Variants in SUPT4H1 observed in about 807,000 individuals in gnomAD.
SUPT4H1 encodes transcription elongation factor SPT4.
A neutral mutation model predicts 19.4 loss-of-function variants in SUPT4H1; 12 were observed. The ratio of observed to expected loss-of-function variants is 0.62; its 90% confidence interval spans 0.40 to 1.00. The LOEUF (loss-of-function observed/expected upper bound fraction) is 1.00, where lower values mean the gene tolerates loss of function less well. Among genes scored for constraint, SUPT4H1 ranks in the 50% least tolerant of loss-of-function variants. The pLI, the probability that SUPT4H1 is intolerant of heterozygous loss-of-function variation, is 0.00. For synonymous variants in SUPT4H1, 58 were observed against 56.3 expected (o/e 1.03, Z -0.14); for missense variants, 115 against 149.2 (o/e 0.77, Z 1.19).
chr17:58,351,370 A>G (rs1274503379), intron 2 of SUPT4H1, 32 bp downstream of exon 2: 1 of 1,499,900 alleles, frequency 6.7e-7, no homozygotes, highest in Non-Finnish European at 9.3e-7. Flanking sequence ...TGGGTAATGC[A>G]GAAGTGAATG....
intron 2 of SUPT4H1, among the ~76,000 whole-genome samples, chr17:58,349,602 A>G (rs1224768181): frequency 6.6e-6 from 1 of 152,260 alleles, no homozygotes; most frequent in African/African-American, 2.4e-5. Flanking sequence ...TCACAGCAGT[A>G]TTATTCACAA....
At chr17:58,346,854 CT>C (rs1972309915) in intron 4 of SUPT4H1, among the ~76,000 whole-genome samples, 1 of 152,104 alleles carries the variant, frequency 6.6e-6, no homozygotes, top group Non-Finnish European at 1.5e-5. Context: ...AGCCAAGCAC[CT>C]GTAGTCCCAG....
intron 2 of SUPT4H1, 41 bp downstream of exon 2, chr17:58,351,361 G>A (rs1423134198): frequency 7.1e-7 from 1 of 1,401,556 alleles, no homozygotes; most frequent in East Asian, 2.3e-5. Flanking sequence ...GGTGCAGGTT[G>A]GGTAATGCAG....
At chr17:58,347,879 G>A (rs1368586720) in intron 2 of SUPT4H1, among the ~76,000 whole-genome samples, 1 of 152,206 alleles carries the variant, frequency 6.6e-6, no homozygotes, top group African/African-American at 2.4e-5. Context: ...TTTAGGACAA[G>A]GGGTCCAATA....
chr17:58,350,589 A>C (rs1486252154), intron 2 of SUPT4H1, among the ~76,000 whole-genome samples: 1 of 151,686 alleles, frequency 6.6e-6, no homozygotes, highest in Non-Finnish European at 1.5e-5. Flanking sequence ...TAATCCCAGC[A>C]CTATGAGAGG....
In SUPT4H1 at chr17:58,345,922, A is replaced by G. The variant is rs2143286875; in HGVS notation, c.*324T>C. The G allele has an allele frequency of 3.9e-6, 1 of 253,590 alleles. No homozygotes were observed. Among genetic ancestry groups the G allele is most frequent in the Admixed American group, 5.1e-5 (1 of 19,472 alleles). The allele number at this position is 253,590 out of a possible 1,614,324, so 15.7% of individuals were successfully genotyped here. A position where few individuals can be genotyped will look rare whatever the true frequency, so the allele number is the denominator to read the frequency against. On this transcript the variant is annotated 3_prime_UTR_variant, in exon 5 of 5. Transcript: ENST00000225504. ...AGGCAAGGCAGGTGTCATGGCCTTC[A>G]GAACTTTCTCGAGGTTCATATTTAT...
rs1407495200 is a variant in SUPT4H1 at position 58,346,153 on chromosome 17, G to A, written c.*93C>T. 17 of 991,858 alleles carry A rather than the reference G, an allele frequency of 1.7e-5. No individual in the cohort carries two copies. The South Asian group carries it at 1.8e-4, about 11-fold the overall frequency. The allele number at this position is 991,858 out of a possible 1,614,324, so 61.4% of individuals were successfully genotyped here. A position where few individuals can be genotyped will look rare whatever the true frequency, so the allele number is the denominator to read the frequency against. Reference sequence around the variant, plus strand: ...CAGCTGAGTCTGAATTGGAGGGTAGGAAGTATTTGAAGTTCTGTTCATTTA... The same window carrying A: ...CAGCTGAGTCTGAATTGGAGGGTAGAAAGTATTTGAAGTTCTGTTCATTTA... On this transcript the variant is annotated 3_prime_UTR_variant, in exon 5 of 5. Coordinates refer to ENST00000225504, the MANE Select transcript of SUPT4H1 (RefSeq NM_003168.3).
Position 58,352,145 on chromosome 17 carries a change from T to C in SUPT4H1, c.-10A>G. On this transcript the variant is annotated 5_prime_UTR_variant, in exon 1 of 5. Transcript: ENST00000225504. ...CCGTCTCCAGGGCCATCTTCGCCGA[T>C]GGGAAGAACAACAGGGAGATAGACG... 3 of 1,614,034 alleles carry C rather than the reference T, an allele frequency of 1.9e-6. No individual in the cohort carries two copies. The highest frequency in any genetic ancestry group is 2.5e-6 in the Non-Finnish European group (3 of 1,179,952).
rs1035319608 is a variant in SUPT4H1 at position 58,351,293 on chromosome 17, C to G, written c.176+109G>C. On this transcript the variant is annotated intron_variant, in intron 2 of 4. Transcript: ENST00000225504. Reference sequence around the variant, plus strand: ...AAAAAAACCCACACAAAATAACCCCCAAAAACGAATGGCTGGGCCCAACTA... The same window carrying G: ...AAAAAAACCCACACAAAATAACCCCGAAAAACGAATGGCTGGGCCCAACTA... 4.5e-6 allele frequency: 3 copies of G among 673,982 alleles called. No homozygotes were observed. The African/African-American group carries it at 5.7e-5, about 13-fold the overall frequency. The allele number at this position is 673,982 out of a possible 1,614,324, so 41.8% of individuals were successfully genotyped here. A position where few individuals can be genotyped will look rare whatever the true frequency, so the allele number is the denominator to read the frequency against.
At position 58,346,236 on chromosome 17, in the gene SUPT4H1, T is replaced by C. The variant is rs2143288644; in HGVS notation, c.*10A>G. On this transcript the variant is annotated 3_prime_UTR_variant, in exon 5 of 5. Transcript: ENST00000225504. ...GTGGAGAGCAAAGATGCTGGCAGCC[T>C]TGCATCTTGCTAGGTCTTTATAGCT... The C allele has an allele frequency of 6.2e-7, 1 of 1,612,184 alleles. No individual in the cohort carries two copies. The highest frequency in any genetic ancestry group is 8.5e-7 in the Non-Finnish European group (1 of 1,178,236).
chr17:58,346,385 T>TATA, intron 4 of SUPT4H1, 72 bp from the exon 5 acceptor site: 3 of 1,278,396 alleles, frequency 2.3e-6, no homozygotes, highest in African/African-American at 2.9e-5. Flanking sequence ...AGCTGCCACC[T>TATA]TGAGGGGGGT....
At chr17:58,348,486 T>C (rs1164014895) in intron 2 of SUPT4H1, among the ~76,000 whole-genome samples, 1 of 152,116 alleles carries the variant, frequency 6.6e-6, no homozygotes, top group Non-Finnish European at 1.5e-5. Context: ...AGCAGAACAC[T>C]AGCCCCCAGC....
chr17:58,346,662 G>C (rs1344420958), intron 4 of SUPT4H1, among the ~76,000 whole-genome samples: 5 of 143,774 alleles, frequency 3.5e-5, no homozygotes, highest in African/African-American at 1.3e-4. Context: ...GTTCAAGGCT[G>C]CAGTGAGCTC....
At chr17:58,351,557 G>C (rs1972521898) in intron 1 of SUPT4H1, 49 bp from the exon 2 acceptor site, 1 of 1,328,864 alleles carries the variant, frequency 7.5e-7, no homozygotes, top group Middle Eastern at 1.8e-4. Flanking sequence ...GCATGAACAA[G>C]ACCAAGAGAA....
At chr17:58,351,271 A>C (rs1598117146) in intron 2 of SUPT4H1, 131 bp downstream of exon 2, 1 of 606,060 alleles carries the variant, frequency 1.7e-6, no homozygotes, top group East Asian at 2.9e-5. Flanking sequence ...AAAAAAAAAA[A>C]AAACCCACAC....
chr17:58,346,190 A>G lies in SUPT4H1; in HGVS notation c.*56T>C. ...GTTCTGTTCATTTAGTTCCAGAACA[A>G]GAAATAAGCAGAGGCAGGAGGTGGA... On this transcript the variant is annotated 3_prime_UTR_variant, in exon 5 of 5. Coordinates refer to ENST00000225504, the MANE Select transcript of SUPT4H1 (RefSeq NM_003168.3). 7.0e-7 allele frequency: 1 copy of G among 1,428,496 alleles called. No homozygotes were observed. Among genetic ancestry groups the G allele is most frequent in the Non-Finnish European group, 9.9e-7 (1 of 1,011,734 alleles). The allele number at this position is 1,428,496 out of a possible 1,614,324, so 88.5% of individuals were successfully genotyped here.
In SUPT4H1 at chr17:58,346,187, A is replaced by G. The variant is rs1972281334; in HGVS notation, c.*59T>C. ...GAAGTTCTGTTCATTTAGTTCCAGAACAAGAAATAAGCAGAGGCAGGAGGT... is the reference window on the plus strand; with the variant it reads ...GAAGTTCTGTTCATTTAGTTCCAGAGCAAGAAATAAGCAGAGGCAGGAGGT... On this transcript the variant is annotated 3_prime_UTR_variant, in exon 5 of 5. Coordinates refer to ENST00000225504, the MANE Select transcript of SUPT4H1 (RefSeq NM_003168.3). 7.1e-7 allele frequency: 1 copy of G among 1,410,860 alleles called. No homozygotes were observed. The highest frequency in any genetic ancestry group is 1.7e-5 in the Admixed American group (1 of 59,472). The allele number at this position is 1,410,860 out of a possible 1,614,324, so 87.4% of individuals were successfully genotyped here. A position where few individuals can be genotyped will look rare whatever the true frequency, so the allele number is the denominator to read the frequency against.
Position 58,347,539 on chromosome 17 carries a change from C to A in SUPT4H1, c.222G>T (p.Trp74Cys). ...CAGGCCAACACTTACTGACTCGCTG[C>A]CACTTGGAGACCCAGCTGTCCTCTG... is the stretch of plus-strand genomic sequence containing the variant. ...MSPEDSWVSK[W>C]QRVSNFKPGV... Residue 74 changes from tryptophan to cysteine, a missense_variant, in exon 3 of 5, where the codon TGG becomes TGT. Transcript: ENST00000225504. 6.2e-7 allele frequency: 1 copy of A among 1,614,156 alleles called. No individual in the cohort carries two copies. The highest frequency in any genetic ancestry group is 8.5e-7 in the Non-Finnish European group (1 of 1,180,018).
chr17:58,346,556 A>G (rs537257930), intron 4 of SUPT4H1, among the ~76,000 whole-genome samples: 1 of 151,920 alleles, frequency 6.6e-6, no homozygotes, highest in Non-Finnish European at 1.5e-5. Context: ...CCCCATCTCT[A>G]CAAAAAAATT....
Sources: gnomAD v4.1 joint callset for allele counts (sites outside exome capture counted in the v4.1 genomes callset) on GRCh38, gnomAD v4.1.1 for gene constraint, MANE v1.5 for transcripts, NCBI Gene and HGNC (gene_info 2026-07-23, HGNC 2026-07-21) for gene names.